The following PTGER3 variants were observed in gnomAD, a reference collection of about 807,000 sequenced individuals.
PTGER3 encodes the protein prostaglandin E2 receptor EP3 subtype.
Under a neutral mutation model 34.7 loss-of-function variants are expected in PTGER3, and 22 were observed. The ratio of observed to expected loss-of-function variants is 0.63; its 90% CI spans 0.45 to 0.91. PTGER3 has a LOEUF of 0.91. Ranked by LOEUF, PTGER3 falls within the 40% of genes least tolerant of loss-of-function variation. PTGER3 has a pLI of 0.00. For missense variants in PTGER3, 468 were observed against 519.4 expected (o/e 0.90, Z 0.96); for synonymous variants, 241 against 230.1 (o/e 1.05, Z -0.43).
At chr1:70,983,062 C>A (rs1044093696) in intron 2 of PTGER3, among the ~76,000 whole-genome samples, 1 of 151,948 alleles carries the variant, frequency 6.6e-6, no homozygotes, top group East Asian at 1.9e-4. Flanking sequence ...AAAAAGGAGG[C>A]TCCCCAGACT....
downstream of PTGER3, among the ~76,000 whole-genome samples, chr1:70,948,246 T>G (rs911643850): frequency 9.2e-5 from 14 of 152,110 alleles, no homozygotes; most frequent in African/African-American, 3.4e-4. Flanking sequence ...GGGAGGTAAT[T>G]GAATCATGGG....
At chr1:71,006,597 A>T in intron 2 of PTGER3, 1 of 978,868 alleles carries the variant, frequency 1.0e-6, no homozygotes. Flanking sequence ...ATCTTGAGAT[A>T]ATAAAACAAA....
At chr1:70,948,367 C>T (rs1650420833), downstream of PTGER3, among the ~76,000 whole-genome samples, 1 of 152,104 alleles carries the variant, frequency 6.6e-6, no homozygotes, top group South Asian at 2.1e-4. Context: ...CTCCTTCCTG[C>T]TGCCATGTGA....
chr1:71,047,415 G>T lies in PTGER3; in HGVS notation c.163C>A (p.Pro55Thr). 6.2e-7 allele frequency: 1 copy of T among 1,611,716 alleles called. No individual in the cohort carries two copies. Among genetic ancestry groups the T allele is most frequent in the Non-Finnish European group, 8.5e-7 (1 of 1,179,698 alleles). ...EDCGSVSVAF[P>T]ITMLLTGFVG... ...AAACCAGTGAGCAGCATGGTGATCG[G>T]GAAGGCCACGGACACCGATCCGCAA... Residue 55 changes from proline (P) to threonine (T), a missense_variant, in exon 1 of 4, where the codon CCG becomes ACG. Around this residue, in one of 5 missense-constraint regions of PTGER3, gnomAD observed 151 missense variants for 133.5 expected, o/e 1.13. Transcript: ENST00000306666.
chr1:70,909,676 T>C (rs534235580), intron 4 of PTGER3, among the ~76,000 whole-genome samples: 2 of 152,282 alleles, frequency 1.3e-5, no homozygotes, highest in South Asian at 2.1e-4. Flanking sequence ...AATTTGTAGA[T>C]ACAGTGTCTC....
intron 1 of PTGER3, among the ~76,000 whole-genome samples, chr1:71,024,645 C>CTTTT (rs35271200): frequency 3.8e-3 from 443 of 116,996 alleles, no homozygotes; most frequent in African/African-American, 7.3e-3. Context: ...CCTTTTCTTT[C>CTTTT]TTTTTTTTTT....
chr1:70,993,171 T>A (rs1655622736), intron 2 of PTGER3, among the ~76,000 whole-genome samples: 1 of 152,174 alleles, frequency 6.6e-6, no homozygotes, highest in Non-Finnish European at 1.5e-5. Context: ...GTGGAACACA[T>A]TCATCTTTAA....
At chr1:70,953,523 A>T (rs1379228883) in intron 3 of PTGER3, among the ~76,000 whole-genome samples, 1 of 152,166 alleles carries the variant, frequency 6.6e-6, no homozygotes, top group Non-Finnish European at 1.5e-5. Context: ...CAGACATGTT[A>T]TATGGGGGCA....
At chr1:71,002,046 A>G (rs1170897103) in intron 2 of PTGER3, 1 of 152,268 alleles carries the variant, frequency 6.6e-6, no homozygotes, top group Non-Finnish European at 1.5e-5. Context: ...GCTTGAGGCC[A>G]GGAGTTTAAG....
At chr1:71,009,142 C>T (rs1310220258) in intron 2 of PTGER3, 14 of 985,020 alleles carry the variant, frequency 1.4e-5, no homozygotes, top group Non-Finnish European at 1.7e-5. Context: ...GCCTAATCTA[C>T]TTGAAAATCC....
intron 4 of PTGER3, among the ~76,000 whole-genome samples, chr1:70,940,091 CT>C (rs1474428405): frequency 6.6e-6 from 1 of 152,160 alleles, no homozygotes; most frequent in African/African-American, 2.4e-5. Context: ...GAAATTTCTT[CT>C]GCCAGATACC....
intron 4 of PTGER3, chr1:70,865,629 A>C: frequency 7.5e-7 from 1 of 1,333,966 alleles, no homozygotes; most frequent in Non-Finnish European, 1.0e-6. Context: ...GTTTCATTAG[A>C]GATAGGCTGA....
intron 4 of PTGER3, among the ~76,000 whole-genome samples, chr1:70,942,371 T>A (rs1470264056): frequency 6.6e-6 from 1 of 152,188 alleles, no homozygotes; most frequent in Non-Finnish European, 1.5e-5. Flanking sequence ...TTTTTAACCA[T>A]AATTTAGCCC....
At chr1:70,989,899 G>A (rs942604803) in intron 2 of PTGER3, among the ~76,000 whole-genome samples, 9 of 145,014 alleles carry the variant, frequency 6.2e-5, no homozygotes, top group Non-Finnish European at 7.7e-5. Flanking sequence ...ACACACACAC[G>A]CACACACACA....
At chr1:71,003,831 T>C (rs1002255726) in intron 2 of PTGER3, among the ~76,000 whole-genome samples, 3 of 152,208 alleles carry the variant, frequency 2.0e-5, no homozygotes, top group Non-Finnish European at 4.4e-5. Context: ...CCTTAAATCA[T>C]AGAGGCTCTC....
At chr1:70,994,027 G>A (rs1252472204) in intron 2 of PTGER3, among the ~76,000 whole-genome samples, 2 of 152,152 alleles carry the variant, frequency 1.3e-5, no homozygotes, top group East Asian at 1.9e-4. Context: ...TGGGAGCAAG[G>A]ATGTGGGTTT....
intron 4 of PTGER3, among the ~76,000 whole-genome samples, chr1:70,886,895 C>T (rs139048275): frequency 1.5e-4 from 23 of 152,266 alleles, no homozygotes; most frequent in African/African-American, 5.3e-4. Flanking sequence ...TGTTTGACCC[C>T]ATTGACCCAG....
intron 4 of PTGER3, among the ~76,000 whole-genome samples, chr1:70,898,871 T>A (rs1291384900): frequency 6.6e-6 from 1 of 152,202 alleles, no homozygotes; most frequent in Non-Finnish European, 1.5e-5. Flanking sequence ...AATTTTCTTA[T>A]AACATCAAAG....
chr1:71,014,979 T>G (rs2100869749), intron 1 of PTGER3, among the ~76,000 whole-genome samples: 1 of 152,338 alleles, frequency 6.6e-6, no homozygotes, highest in South Asian at 2.1e-4. Flanking sequence ...CTGTCCAAAC[T>G]ATTCTTTCCA....
Sources: allele counts gnomAD v4.1 joint callset (sites outside exome capture counted in the v4.1 genomes callset), GRCh38; gene constraint gnomAD v4.1.1; regional missense constraint gnomAD v4.1.1; transcripts MANE v1.5; gene names NCBI Gene and HGNC (gene_info 2026-07-23, HGNC 2026-07-21).